The following HPSE2 variants were observed in gnomAD, a reference collection of about 807,000 sequenced individuals.
The protein encoded by HPSE2 is heparanase 2 (inactive).
Under a neutral mutation model 60.5 loss-of-function variants are expected in HPSE2, and 38 were observed. The observed-to-expected ratio is 0.63, with a 90% CI of 0.48 to 0.82. HPSE2 has a LOEUF of 0.82. Ranked by LOEUF, HPSE2 falls within the 40% of genes least tolerant of loss-of-function variation. HPSE2 has a pLI of 0.00. For synonymous variants in HPSE2, 295 were observed against 293.2 expected, an observed-to-expected ratio of 1.01 and a Z score of -0.06; for missense variants, 713 against 740.4, an observed-to-expected ratio of 0.96 and a Z score of 0.43.
chr10:98,475,187 A>G (rs760192568), intron 11 of HPSE2, among the ~76,000 whole-genome samples: 39 of 148,508 alleles, frequency 2.6e-4, no homozygotes, highest in Non-Finnish European at 4.3e-4. Context: ...GCACGGTCTC[A>G]GCTCACTGCA....
Position 98,764,052 on chromosome 10 carries a change from G to C in HPSE2, c.611-19996C>G, listed in dbSNP as rs547313348. ...TAATACATCAAACAACTATCCTCTT[G>C]CCCCTAGTTATTTAATGTATTAATT... On this transcript the variant is annotated intron_variant, in intron 3 of 11. Coordinates refer to ENST00000370552, the MANE Select transcript of HPSE2 (RefSeq NM_021828.5). Among the ~76,000 whole-genome samples, 5 of 152,112 alleles carry C rather than the reference G, an allele frequency of 3.3e-5. No individual in the cohort carries two copies. In the East Asian group the frequency reaches 9.6e-4, roughly 29 times the overall value.
chr10:98,605,476 G>T (rs959462240), intron 9 of HPSE2, among the ~76,000 whole-genome samples: 1 of 152,152 alleles, frequency 6.6e-6, no homozygotes, highest in Non-Finnish European at 1.5e-5. Context: ...AATTTGTAAA[G>T]ATACTAAAAA....
intron 3 of HPSE2, among the ~76,000 whole-genome samples, chr10:99,076,902 G>A (rs1181148190): frequency 1.3e-5 from 2 of 152,032 alleles, no homozygotes; most frequent in East Asian, 3.9e-4. Context: ...GGTCTGGGTC[G>A]CAAAGAACTC....
At chr10:99,307,795 T>A in the HPSE2 span, among the ~76,000 whole-genome samples, 1 of 146,482 alleles carries the variant, frequency 6.8e-6, no homozygotes, top group Non-Finnish European at 1.5e-5. Context: ...ATGAGCATAA[T>A]AAAGAAGAGT....
chr10:99,303,068 C>T, the HPSE2 span, among the ~76,000 whole-genome samples: 1 of 152,102 alleles, frequency 6.6e-6, no homozygotes, highest in South Asian at 2.1e-4. Context: ...AGAGTGATAA[C>T]AGATCCTCCT....
intron 3 of HPSE2, among the ~76,000 whole-genome samples, chr10:98,834,749 A>G (rs1951756038): frequency 6.6e-6 from 1 of 152,168 alleles, no homozygotes; most frequent in African/African-American, 2.4e-5. Context: ...ATATACTTCA[A>G]ATAAAAGAAC....
chr10:99,235,940 T>A (rs550088493), upstream of HPSE2: 75 of 625,008 alleles, frequency 1.2e-4, no homozygotes, highest in East Asian at 9.1e-4. Context: ...ACACACACAC[T>A]CTCTCTCTCT....
At chr10:98,708,712 T>G (rs918591368) in intron 5 of HPSE2, among the ~76,000 whole-genome samples, 2 of 152,164 alleles carry the variant, frequency 1.3e-5, no homozygotes, top group Non-Finnish European at 2.9e-5. Context: ...AAAATCAAAT[T>G]TGCAAACAAT....
At chr10:98,753,585 CT>C (rs1949809314) in intron 3 of HPSE2, among the ~76,000 whole-genome samples, 1 of 152,220 alleles carries the variant, frequency 6.6e-6, no homozygotes, top group Non-Finnish European at 1.5e-5. Context: ...GAATGAAGCA[CT>C]TTTGCTGGCA....
At chr10:99,160,227 C>A (rs1446774897) in intron 2 of HPSE2, among the ~76,000 whole-genome samples, 2 of 151,678 alleles carry the variant, frequency 1.3e-5, no homozygotes, top group Admixed American at 1.3e-4. Flanking sequence ...ATGTTTTACA[C>A]CTTGATAAAA....
At chr10:99,155,879 A>G (rs1245258564) in intron 2 of HPSE2, among the ~76,000 whole-genome samples, 4 of 152,004 alleles carry the variant, frequency 2.6e-5, no homozygotes, top group Non-Finnish European at 5.9e-5. Context: ...AGAAAAAAAG[A>G]AGAATCAAAT....
At chr10:99,046,454 A>G (rs148296938) in intron 3 of HPSE2, among the ~76,000 whole-genome samples, 65 of 152,258 alleles carry the variant, frequency 4.3e-4, no homozygotes, top group African/African-American at 1.5e-3. Context: ...ACTGTTATTC[A>G]ACATAGTACT....
intron 3 of HPSE2, among the ~76,000 whole-genome samples, chr10:98,771,555 C>A (rs533275477): frequency 6.6e-6 from 1 of 152,200 alleles, no homozygotes; most frequent in Non-Finnish European, 1.5e-5. Flanking sequence ...CAGGATAGCC[C>A]AACTAAGAAA....
rs145199363 is a variant in HPSE2, at chr10:98,891,443, T to C, written c.611-147387A>G. Among the ~76,000 whole-genome samples, 75 of 152,058 alleles carry C rather than the reference T, an allele frequency of 4.9e-4. 1 individual carries two copies. The highest frequency in any genetic ancestry group is 3.4e-3 in the Middle Eastern group (1 of 294). ...TTAAATCTTAGCAATTTAACAGTTA[T>C]ATTATTATTATTATTTTTAAGTAGA... On this transcript the variant is annotated intron_variant, in intron 3 of 11. Coordinates refer to ENST00000370552, the MANE Select transcript of HPSE2 (RefSeq NM_021828.5).
intron 4 of HPSE2, among the ~76,000 whole-genome samples, chr10:98,738,258 T>C (rs1420259298): frequency 2.0e-5 from 3 of 152,146 alleles, no homozygotes; most frequent in African/African-American, 7.2e-5. Flanking sequence ...ATAAATGGTG[T>C]TGGGATAATT....
chr10:98,604,447 C>A (rs376715260), intron 9 of HPSE2, among the ~76,000 whole-genome samples: 5 of 151,974 alleles, frequency 3.3e-5, no homozygotes, highest in African/African-American at 9.7e-5. Context: ...CCAAATTGAA[C>A]AGCAAAGTGA....
chr10:98,885,058 T>C (rs1953127893), intron 3 of HPSE2, among the ~76,000 whole-genome samples: 1 of 152,154 alleles, frequency 6.6e-6, no homozygotes, highest in Admixed American at 6.6e-5. Flanking sequence ...ATTAAGAATA[T>C]TTGTGATTCA....
At chr10:98,523,024 A>G (rs1467489600) in intron 9 of HPSE2, among the ~76,000 whole-genome samples, 1 of 152,204 alleles carries the variant, frequency 6.6e-6, no homozygotes. Context: ...AATTCTTCCT[A>G]TATGGATGCT....
chr10:99,270,342 A>G, the HPSE2 span, among the ~76,000 whole-genome samples: 1 of 152,034 alleles, frequency 6.6e-6, no homozygotes, highest in African/African-American at 2.4e-5. Flanking sequence ...CAAATACAAA[A>G]AGATCATACT....
Sources: allele counts gnomAD v4.1 joint callset (sites outside exome capture counted in the v4.1 genomes callset), GRCh38; gene constraint gnomAD v4.1.1; transcripts MANE v1.5; gene names NCBI Gene and HGNC (gene_info 2026-07-23, HGNC 2026-07-21).